The following CELF2 variants were observed in gnomAD, a reference collection of about 807,000 sequenced individuals.
The protein encoded by CELF2 is CUGBP Elav-like family member 2.
CELF2 carries 8 observed loss-of-function variants against 62.6 expected under a neutral mutation model. That is an observed-to-expected ratio of 0.13 (90% confidence interval 0.07 to 0.23). CELF2 has a LOEUF of 0.23. Ranked by LOEUF, CELF2 falls within the 10% of genes least tolerant of loss-of-function variation. CELF2 has a pLI of 1.00. For missense variants in CELF2, 333 were observed against 671.0 expected, an observed-to-expected ratio of 0.50 and a Z score of 5.56; for synonymous variants, 258 against 250.0, an observed-to-expected ratio of 1.03 and a Z score of -0.30.
chr10:10,711,204 C>T, the CELF2 span, among the ~76,000 whole-genome samples: 3 of 152,074 alleles, frequency 2.0e-5, no homozygotes, highest in South Asian at 2.1e-4. Flanking sequence ...TTTATATTGA[C>T]GCCTAAAAGA....
chr10:11,041,273 C>T (rs951961754), intron 1 of CELF2, among the ~76,000 whole-genome samples: 7 of 152,102 alleles, frequency 4.6e-5, no homozygotes, highest in Admixed American at 2.0e-4. Context: ...CTTTAACATA[C>T]GCATTTTAGG....
At chr10:11,175,399 A>G (rs997451034) in intron 2 of CELF2, among the ~76,000 whole-genome samples, 1 of 152,360 alleles carries the variant, frequency 6.6e-6, no homozygotes, top group South Asian at 2.1e-4. Flanking sequence ...AAGAGAGAAT[A>G]TGATTGAAGT....
upstream of CELF2, among the ~76,000 whole-genome samples, chr10:10,795,494 AG>A (rs2054091255): frequency 6.6e-6 from 1 of 152,170 alleles, no homozygotes; most frequent in South Asian, 2.1e-4. Flanking sequence ...TCTGTGTTAC[AG>A]ATAAATAGTT....
chr10:11,329,857 TAAATA>T lies in CELF2; in HGVS notation c.*808_*812del, dbSNP rs2095952445. 1.3e-5 allele frequency: 2 copies of T among 152,244 alleles called. No homozygotes were observed. Among genetic ancestry groups the T allele is most frequent in the East Asian group, 1.9e-4 (1 of 5,192 alleles). The allele number at this position is 152,244 out of a possible 1,614,324, so 9.4% of individuals were successfully genotyped here. A position where few individuals can be genotyped will look rare whatever the true frequency, so the allele number is the denominator to read the frequency against. ...AATAATAAATAAATACATAAATACA[TAAATA>T]AAAAAGAAAGCCACAGGCCTGTAAA... On this transcript the variant is annotated 3_prime_UTR_variant, in exon 13 of 13. Coordinates refer to ENST00000633077, the MANE Select transcript of CELF2 (RefSeq NM_001326342.2). The surrounding 1 kb of genome is among the most constrained non-coding windows in gnomAD (Gnocchi z 5.5).
the CELF2 span, among the ~76,000 whole-genome samples, chr10:10,733,443 A>G: frequency 6.6e-6 from 1 of 152,302 alleles, no homozygotes; most frequent in South Asian, 2.1e-4. Context: ...AGTGAAAAAA[A>G]AAAGTGCAGA....
intron 1 of CELF2, among the ~76,000 whole-genome samples, chr10:11,061,614 G>C (rs2066739831): frequency 1.3e-5 from 2 of 152,194 alleles, no homozygotes; most frequent in Admixed American, 1.3e-4. Flanking sequence ...TCAATGTCTG[G>C]CTTCAGAGGA....
intron 5 of CELF2, among the ~76,000 whole-genome samples, chr10:11,265,140 A>G (rs1328102889): frequency 2.0e-5 from 3 of 152,224 alleles, no homozygotes; most frequent in African/African-American, 7.2e-5. Context: ...TGCAGAGCAA[A>G]AGAAGAAAAT....
the CELF2 span, among the ~76,000 whole-genome samples, chr10:10,621,625 GA>G: frequency 6.6e-6 from 1 of 152,180 alleles, no homozygotes; most frequent in Non-Finnish European, 1.5e-5. Context: ...AGACATTCAG[GA>G]AACAGGAATT....
chr10:11,249,117 C>T, intron 3 of CELF2, 36 bp from the exon 4 acceptor site: 1 of 1,559,978 alleles, frequency 6.4e-7, no homozygotes, highest in Non-Finnish European at 8.8e-7. Context: ...TACAGTTGTT[C>T]AATCTGCCTT....
chr10:11,212,745 T>G (rs1172027538), intron 2 of CELF2, among the ~76,000 whole-genome samples: 3 of 149,554 alleles, frequency 2.0e-5, no homozygotes, highest in South Asian at 2.1e-4. Context: ...GGGTTTTTTT[T>G]TTTTTTTTTT....
chr10:10,823,493 C>A (rs920840194), intron 1 of CELF2, among the ~76,000 whole-genome samples: 1 of 152,098 alleles, frequency 6.6e-6, no homozygotes, highest in Admixed American at 6.5e-5. Flanking sequence ...ACAATGCTTT[C>A]TAAACTGTAG....
chr10:11,284,462 T>C, intron 8 of CELF2, among the ~76,000 whole-genome samples: 1 of 146,680 alleles, frequency 6.8e-6, no homozygotes, highest in East Asian at 2.1e-4. Flanking sequence ...GGATGAGGGA[T>C]GAGTGTGTGG....
At chr10:10,823,668 C>T (rs1033753549) in intron 1 of CELF2, among the ~76,000 whole-genome samples, 10 of 152,048 alleles carry the variant, frequency 6.6e-5, no homozygotes, top group South Asian at 4.2e-4. Flanking sequence ...AACCTAAATG[C>T]GGCAGAGATA....
intron 1 of CELF2, among the ~76,000 whole-genome samples, chr10:11,049,489 C>G (rs568247593): frequency 6.9e-6 from 1 of 144,582 alleles, no homozygotes; most frequent in South Asian, 2.2e-4. Flanking sequence ...ACAATGTGAA[C>G]CGGGACCTCT....
chr10:11,278,816 C>A lies in CELF2; in HGVS notation c.841+3696C>A, dbSNP rs75410232. ...TAGAATTCCCAAATATCACAACAAC[C>A]TGATGAAGTAGGGACTCTAAGTTAG... is the stretch of plus-strand genomic sequence containing the variant. On this transcript the variant is annotated intron_variant, in intron 8 of 12. Transcript: ENST00000633077. Among the ~76,000 whole-genome samples, 1,284 of 152,268 alleles carry A rather than the reference C, an allele frequency of 8.4e-3. 16 individuals carry two copies. Among genetic ancestry groups the A allele is most frequent in the African/African-American group, 0.029 (1,199 of 41,530 alleles).
chr10:10,622,464 A>ATGTG, the CELF2 span, among the ~76,000 whole-genome samples: 94 of 150,844 alleles, frequency 6.2e-4, no homozygotes, highest in African/African-American at 1.1e-3. Flanking sequence ...ATACATACGT[A>ATGTG]TGTGTGTGTG....
intron 3 of CELF2, among the ~76,000 whole-genome samples, chr10:11,236,058 G>T (rs2136629930): frequency 6.6e-6 from 1 of 152,304 alleles, no homozygotes; most frequent in South Asian, 2.1e-4. Context: ...ATGAGAGGTT[G>T]CAACTTGCAG....
intron 1 of CELF2, among the ~76,000 whole-genome samples, chr10:10,807,591 A>C (rs952798686): frequency 2.0e-5 from 3 of 152,224 alleles, no homozygotes; most frequent in African/African-American, 4.8e-5. Flanking sequence ...GGTAGGGAGA[A>C]AAAGATAAAT....
chr10:11,054,489 TTGTGTGTGTGTG>T (rs35465939), intron 1 of CELF2, among the ~76,000 whole-genome samples: 9 of 149,582 alleles, frequency 6.0e-5, no homozygotes, highest in African/African-American at 1.7e-4. Context: ...GTATGTGTGT[TTGTGTGTGTGTG>T]TGTGTGTGTG....
Sources: gnomAD v4.1 joint callset for allele counts (sites outside exome capture counted in the v4.1 genomes callset) on GRCh38, gnomAD v4.1.1 for gene constraint, Gnocchi (gnomAD v3.1) non-coding constraint, MANE v1.5 for transcripts, NCBI Gene and HGNC (gene_info 2026-07-23, HGNC 2026-07-21) for gene names.